USP3: variants seen among roughly 807,000 people sequenced by gnomAD.
The protein encoded by USP3 is ubiquitin specific peptidase 3.
Under a neutral mutation model 72.3 loss-of-function variants are expected in USP3, and 20 were observed. The ratio of observed to expected loss-of-function variants is 0.28; its 90% CI spans 0.19 to 0.40. USP3 has a LOEUF of 0.40. Ranked by LOEUF, USP3 falls within the 10% of genes least tolerant of loss-of-function variation. The probability of loss-of-function intolerance (pLI) is 1.00; values close to 1 mark genes in which losing one functional copy is unlikely to be tolerated. For synonymous variants in USP3, 222 were observed against 225.3 expected (o/e 0.99, Z 0.13); for missense variants, 479 against 633.9 (o/e 0.76, Z 2.62).
intron 1 of USP3, among the ~76,000 whole-genome samples, chr15:63,517,201 TC>T (rs1180638578): frequency 6.6e-5 from 10 of 151,972 alleles, no homozygotes; most frequent in Non-Finnish European, 1.0e-4. Context: ...CCCTCCCCAC[TC>T]CCCCCAATTT....
chr15:63,527,371 A>G (rs1205538117), intron 1 of USP3, among the ~76,000 whole-genome samples: 1 of 152,220 alleles, frequency 6.6e-6, no homozygotes, highest in Non-Finnish European at 1.5e-5. Flanking sequence ...ATTCTTGAGA[A>G]GAAAAAGAGC....
chr15:63,530,665 TATTC>T (rs2066059978), intron 1 of USP3: 1 of 402,330 alleles, frequency 2.5e-6, no homozygotes, highest in Non-Finnish European at 4.9e-6. Flanking sequence ...AGAAACAAAA[TATTC>T]ATAATATCTC....
intron 11 of USP3, among the ~76,000 whole-genome samples, chr15:63,579,932 A>G (rs755184192): frequency 3.9e-5 from 6 of 152,222 alleles, no homozygotes; most frequent in African/African-American, 9.6e-5. Flanking sequence ...TGTTGTTGTT[A>G]TAAGTCTAAA....
At chr15:63,589,118 A>G in intron 14 of USP3, 107 bp downstream of exon 14, 1 of 1,307,966 alleles carries the variant, frequency 7.6e-7, no homozygotes, top group Non-Finnish European at 1.1e-6. Flanking sequence ...ATGGATTCAG[A>G]TAAAGTAGGT....
chr15:63,513,057 G>C (rs766826010), intron 1 of USP3, among the ~76,000 whole-genome samples: 7 of 152,184 alleles, frequency 4.6e-5, no homozygotes, highest in Non-Finnish European at 8.8e-5. Context: ...TTTGTACTCT[G>C]CTTTAGAATC....
rs746456618 is a variant in USP3 at position 63,588,431 on chromosome 15, T to C, written c.1215+8T>C. ...ATTCAAAAACTACCCAAGGTGAGTG[T>C]TGAATTTTGAGTTATGAAGCAATTT... On this transcript the variant is annotated splice_region_variant and intron_variant, in intron 12 of 14. Coordinates refer to ENST00000380324, the MANE Select transcript of USP3 (RefSeq NM_006537.4). The surrounding 1 kb of genome is among the most constrained non-coding windows in gnomAD (Gnocchi z 4.6). 5 of 1,580,220 alleles carry C rather than the reference T, an allele frequency of 3.2e-6. No homozygotes were observed. Among genetic ancestry groups the C allele is most frequent in the Admixed American group, 1.9e-5 (1 of 53,912 alleles).
In USP3 at chr15:63,528,496, A is replaced by C. The variant is rs902195586; in HGVS notation, c.92-4151A>C. Among the ~76,000 whole-genome samples the C allele has an allele frequency of 1.3e-5, 2 of 150,806 alleles. No individual in the cohort carries two copies. Among genetic ancestry groups the C allele is most frequent in the African/African-American group, 5.0e-5 (2 of 40,088 alleles). On this transcript the variant is annotated intron_variant, in intron 1 of 14. Transcript: ENST00000380324. This position sits in a 1 kb window ranked among gnomAD's most constrained non-coding sequence, Gnocchi z 4.3. ...ACTAAAAAAATAAACACTTTGGTTTAACATTTTTATGTTTTGCTAAATAGA... is the reference window on the plus strand; with the variant it reads ...ACTAAAAAAATAAACACTTTGGTTTCACATTTTTATGTTTTGCTAAATAGA...
rs2066021730 is a variant in USP3 at position 63,528,747 on chromosome 15, T to C, written c.92-3900T>C. Among the ~76,000 whole-genome samples the C allele has an allele frequency of 6.6e-6, 1 of 152,236 alleles. No individual in the cohort carries two copies. Among genetic ancestry groups the C allele is most frequent in the African/African-American group, 2.4e-5 (1 of 41,464 alleles). ...ATTGAAACTACCTTTTATAATAAGA[T>C]AGTCCCCCTAAAGGTGATTAAAATA... is the stretch of plus-strand genomic sequence containing the variant. On this transcript the variant is annotated intron_variant, in intron 1 of 14. Transcript: ENST00000380324. This position sits in a 1 kb window ranked among gnomAD's most constrained non-coding sequence, Gnocchi z 4.3.
intron 1 of USP3, among the ~76,000 whole-genome samples, chr15:63,510,152 C>G (rs186283573): frequency 6.6e-6 from 1 of 152,304 alleles, no homozygotes; most frequent in Admixed American, 6.5e-5. Context: ...GATTTTGGAT[C>G]CTTCAAGCTA....
intron 11 of USP3, among the ~76,000 whole-genome samples, chr15:63,577,095 A>C (rs2066876667): frequency 1.3e-5 from 2 of 152,216 alleles, no homozygotes; most frequent in Non-Finnish European, 1.5e-5. Flanking sequence ...TAACTTTTGA[A>C]ATTAACTAAA....
chr15:63,570,212 T>G lies in USP3; in HGVS notation c.762-221T>G, dbSNP rs887981662. 1.3e-5 allele frequency among the ~76,000 whole-genome samples: 2 copies of G among 152,208 alleles called. No homozygotes were observed. The highest frequency in any genetic ancestry group is 2.9e-5 in the Non-Finnish European group (2 of 68,044). On this transcript the variant is annotated intron_variant, in intron 8 of 14. Transcript: ENST00000380324. This position sits in a 1 kb window ranked among gnomAD's most constrained non-coding sequence, Gnocchi z 4.4. ...GGAGATCATTGCAAATCCAATTAGC[T>G]CCAATATTTTTTGGTTTTCAAACCT...
chr15:63,518,502 T>C (rs1012048652), intron 1 of USP3, among the ~76,000 whole-genome samples: 1 of 152,228 alleles, frequency 6.6e-6, no homozygotes, highest in African/African-American at 2.4e-5. Context: ...TTTTAAAAAG[T>C]ATGATCTTAA....
chr15:63,589,596 C>T (rs1422279888), intron 14 of USP3, among the ~76,000 whole-genome samples: 1 of 152,206 alleles, frequency 6.6e-6, no homozygotes, highest in Non-Finnish European at 1.5e-5. Flanking sequence ...CACTACTTTA[C>T]AGGCACCTGG....
intron 3 of USP3, among the ~76,000 whole-genome samples, chr15:63,538,542 T>G (rs1257609427): frequency 8.6e-5 from 13 of 150,804 alleles, no homozygotes; most frequent in Admixed American, 8.6e-4. Flanking sequence ...GTTTGCCAGG[T>G]CTTTTACTTT....
At chr15:63,526,699 GTGTTTGTGTCTCAGGGA>G (rs2065987689) in intron 1 of USP3, among the ~76,000 whole-genome samples, 1 of 152,182 alleles carries the variant, frequency 6.6e-6, no homozygotes, top group Admixed American at 6.5e-5. Flanking sequence ...GATGGGCAAT[GTGTTTGTGTCTCAGGGA>G]TGATGGGAGG....
rs2066755801 is a variant in USP3, at chr15:63,570,131, T to C, written c.762-302T>C. Among the ~76,000 whole-genome samples, 3 of 152,136 alleles carry C rather than the reference T, an allele frequency of 2.0e-5. No individual in the cohort carries two copies. Among genetic ancestry groups the C allele is most frequent in the Admixed American group, 1.3e-4 (2 of 15,282 alleles). ...TCTGTTACTCTCTTGCTGTAGGACG[T>C]TGGGGAAGTCACATACCACCCCGCC... On this transcript the variant is annotated intron_variant, in intron 8 of 14. Transcript: ENST00000380324. This position sits in a 1 kb window ranked among gnomAD's most constrained non-coding sequence, Gnocchi z 4.4.
Position 63,553,810 on chromosome 15 carries a change from G to T in USP3, c.368+12G>T, listed in dbSNP as rs374805350. 1.2e-6 allele frequency: 2 copies of T among 1,607,452 alleles called. No homozygotes were observed. The highest frequency in any genetic ancestry group is 1.3e-5 in the African/African-American group (1 of 74,528). On this transcript the variant is annotated intron_variant, in intron 4 of 14. Coordinates refer to ENST00000380324, the MANE Select transcript of USP3 (RefSeq NM_006537.4). This position sits in a 1 kb window ranked among gnomAD's most constrained non-coding sequence, Gnocchi z 4.2. ...CAGAACTTGGAAAAGTAAGTAATAGGCCTTTGGAAAAAGAAGGGCCTAAGA... is the reference window on the plus strand; with the variant it reads ...CAGAACTTGGAAAAGTAAGTAATAGTCCTTTGGAAAAAGAAGGGCCTAAGA...
chr15:63,542,154 G>C, intron 3 of USP3: 2 of 985,062 alleles, frequency 2.0e-6, no homozygotes, highest in Non-Finnish European at 2.4e-6. Context: ...CTAACAACAG[G>C]AATTGAAAAA....
chr15:63,554,644 A>G (rs2066482894), intron 4 of USP3, among the ~76,000 whole-genome samples: 1 of 152,244 alleles, frequency 6.6e-6, no homozygotes, highest in Admixed American at 6.5e-5. Context: ...TGTAAAGCCC[A>G]TAGAATGTTT....
Sources: gnomAD v4.1 joint callset for allele counts (sites outside exome capture counted in the v4.1 genomes callset) on GRCh38, gnomAD v4.1.1 for gene constraint, Gnocchi (gnomAD v3.1) non-coding constraint, MANE v1.5 for transcripts, NCBI Gene and HGNC (gene_info 2026-07-23, HGNC 2026-07-21) for gene names.